CSNK1G1: variants seen among roughly 807,000 people sequenced by gnomAD.
CSNK1G1 encodes casein kinase 1 gamma 1, also known as casein kinase I isoform gamma-1.
Under a neutral mutation model 59.6 loss-of-function variants are expected in CSNK1G1, and 22 were observed. The observed-to-expected ratio is 0.37, with a 90% CI of 0.26 to 0.53. The LOEUF is 0.53. CSNK1G1 is among the 20% of genes least tolerant of loss of function. The probability of loss-of-function intolerance (pLI) is 0.89; values close to 1 mark genes in which losing one functional copy is unlikely to be tolerated. For synonymous variants in CSNK1G1, 179 were observed against 177.1 expected, an observed-to-expected ratio of 1.01 and a Z score of -0.08; for missense variants, 384 against 519.5, an observed-to-expected ratio of 0.74 and a Z score of 2.54.
rs1299883646 is a variant in CSNK1G1, at chr15:64,204,956, A to G, written c.766-7T>C. On this transcript the variant is annotated splice_region_variant and splice_polypyrimidine_tract_variant and intron_variant, in intron 7 of 11. Transcript: ENST00000303052. ...TCTCTTTTAATGTGTCAGCCTGTAG[A>G]GAGTAAAGAGAGAAAGTTACTTTAA... 1.3e-6 allele frequency: 2 copies of G among 1,525,630 alleles called. No individual in the cohort carries two copies. The highest frequency in any genetic ancestry group is 1.8e-5 in the Admixed American group (1 of 56,938). 94.5% of individuals were successfully genotyped at this position (1,525,630 alleles called of 1,614,324 possible). A position where few individuals can be genotyped will look rare whatever the true frequency, so the allele number is the denominator to read the frequency against.
intron 4 of CSNK1G1, among the ~76,000 whole-genome samples, chr15:64,249,415 C>T (rs1022332568): frequency 3.9e-5 from 6 of 152,206 alleles, no homozygotes; most frequent in East Asian, 3.9e-4. Context: ...TGATGCCCAC[C>T]GCAGCTATTT....
At chr15:64,257,788 T>C (rs1394120964) in intron 3 of CSNK1G1, among the ~76,000 whole-genome samples, 3 of 152,312 alleles carry the variant, frequency 2.0e-5, no homozygotes, top group South Asian at 2.1e-4. Context: ...CTTCCTAAAG[T>C]GCTTGAATTA....
At chr15:64,292,498 T>C (rs1009984941) in intron 2 of CSNK1G1, among the ~76,000 whole-genome samples, 14 of 152,232 alleles carry the variant, frequency 9.2e-5, no homozygotes, top group Non-Finnish European at 1.9e-4. Flanking sequence ...CATTTTGTTG[T>C]ATGCAAGTAA....
chr15:64,228,573 T>G (rs1596126495), intron 4 of CSNK1G1, among the ~76,000 whole-genome samples: 1 of 151,834 alleles, frequency 6.6e-6, no homozygotes, highest in African/African-American at 2.4e-5. Flanking sequence ...GAGGCGGAGG[T>G]TGCAGTGAGC....
chr15:64,281,431 C>A (rs1320711356), intron 2 of CSNK1G1, among the ~76,000 whole-genome samples: 1 of 152,008 alleles, frequency 6.6e-6, no homozygotes, highest in African/African-American at 2.4e-5. Context: ...CATAGTGAGA[C>A]TCCATCTCTA....
intron 4 of CSNK1G1, among the ~76,000 whole-genome samples, chr15:64,246,643 G>A (rs530465876): frequency 3.4e-5 from 5 of 145,798 alleles, no homozygotes; most frequent in South Asian, 2.3e-4. Flanking sequence ...AAAAAAAGGG[G>A]GGGGGGGAGG....
At chr15:64,183,105 A>G (rs1333645253) in intron 10 of CSNK1G1, among the ~76,000 whole-genome samples, 1 of 152,194 alleles carries the variant, frequency 6.6e-6, no homozygotes, top group African/African-American at 2.4e-5. Flanking sequence ...CTTGGCTTCT[A>G]CTCACACGAA....
At chr15:64,304,900 C>A (rs1180608291) in intron 1 of CSNK1G1, among the ~76,000 whole-genome samples, 1 of 152,132 alleles carries the variant, frequency 6.6e-6, no homozygotes, top group African/African-American at 2.4e-5. Context: ...GCAAACCAGG[C>A]TCTTTCTGAT....
At chr15:64,308,091 T>A (rs142249376) in intron 1 of CSNK1G1, among the ~76,000 whole-genome samples, 22 of 152,288 alleles carry the variant, frequency 1.4e-4, no homozygotes, top group African/African-American at 5.3e-4. Flanking sequence ...CTTATTTTTA[T>A]CTTATTTCCT....
At chr15:64,276,457 A>G (rs1017973156) in intron 2 of CSNK1G1, among the ~76,000 whole-genome samples, 3 of 152,220 alleles carry the variant, frequency 2.0e-5, no homozygotes, top group Non-Finnish European at 2.9e-5. Flanking sequence ...TAAATATTTC[A>G]TTATGGGTCT....
chr15:64,207,389 G>A (rs956156728), intron 7 of CSNK1G1, 120 bp downstream of exon 7: 16 of 671,078 alleles, frequency 2.4e-5, no homozygotes, highest in Non-Finnish European at 4.1e-5. Context: ...GGGATTACAG[G>A]CATGAGCCAC....
At chr15:64,290,560 T>C (rs1046976421) in intron 2 of CSNK1G1, among the ~76,000 whole-genome samples, 1 of 151,990 alleles carries the variant, frequency 6.6e-6, no homozygotes, top group Non-Finnish European at 1.5e-5. Context: ...TGTGGAATAA[T>C]AGACACTGAA....
intron 1 of CSNK1G1, among the ~76,000 whole-genome samples, chr15:64,351,441 A>T (rs1235918050): frequency 6.6e-6 from 1 of 152,236 alleles, no homozygotes; most frequent in African/African-American, 2.4e-5. Flanking sequence ...TCCATAACTG[A>T]CAACTGCAAA....
chr15:64,225,006 C>CTTTTTT (rs750533422), intron 4 of CSNK1G1, among the ~76,000 whole-genome samples: 1 of 121,858 alleles, frequency 8.2e-6, no homozygotes, highest in Non-Finnish European at 1.7e-5. Flanking sequence ...ATACACTTTT[C>CTTTTTT]TTTTTTTTTT....
At chr15:64,351,643 C>A (rs762698748) in intron 1 of CSNK1G1, among the ~76,000 whole-genome samples, 1 of 152,180 alleles carries the variant, frequency 6.6e-6, no homozygotes, top group Non-Finnish European at 1.5e-5. Flanking sequence ...CTTTGAGAGG[C>A]TGAGGCGGGC....
chr15:64,339,580 T>G (rs565042282), intron 1 of CSNK1G1, among the ~76,000 whole-genome samples: 1 of 152,204 alleles, frequency 6.6e-6, no homozygotes, highest in Admixed American at 6.5e-5. Context: ...CCCAAAGTGC[T>G]GGGATTACAG....
intron 11 of CSNK1G1, among the ~76,000 whole-genome samples, chr15:64,178,478 TTTTC>T (rs2081767454): frequency 7.0e-6 from 1 of 143,282 alleles, no homozygotes; most frequent in African/African-American, 2.8e-5. Flanking sequence ...CAAGCAAAAA[TTTTC>T]TTTTTTTTTT....
intron 2 of CSNK1G1, among the ~76,000 whole-genome samples, chr15:64,284,211 C>T (rs1234725628): frequency 6.6e-6 from 1 of 152,216 alleles, no homozygotes; most frequent in Non-Finnish European, 1.5e-5. Flanking sequence ...GGGAGCACCA[C>T]ACTGTCTGCT....
Position 64,200,146 on chromosome 15 carries a change from G to C in CSNK1G1, c.1107+2936C>G, listed in dbSNP as rs2082089495. Among the ~76,000 whole-genome samples, 1 of 151,868 alleles carries C rather than the reference G, an allele frequency of 6.6e-6. No individual in the cohort carries two copies. The highest frequency in any genetic ancestry group is 2.4e-5 in the African/African-American group (1 of 41,352). Reference sequence around the variant, plus strand: ...TGTAATCCCAGCTTCTCAGGAAGCTGAGGCAGAAGAATCGCTTGAACTCAG... The same window carrying C: ...TGTAATCCCAGCTTCTCAGGAAGCTCAGGCAGAAGAATCGCTTGAACTCAG... On this transcript the variant is annotated intron_variant, in intron 10 of 11. Transcript: ENST00000303052. This position sits in a 1 kb window ranked among gnomAD's most constrained non-coding sequence, Gnocchi z 4.3.
Sources: gnomAD v4.1 joint callset for allele counts (sites outside exome capture counted in the v4.1 genomes callset) on GRCh38, gnomAD v4.1.1 for gene constraint, Gnocchi (gnomAD v3.1) non-coding constraint, MANE v1.5 for transcripts, NCBI Gene and HGNC (gene_info 2026-07-23, HGNC 2026-07-21) for gene names.